BCL11A: variants seen among roughly 807,000 people sequenced by gnomAD.
The protein encoded by BCL11A is BCL11 transcription factor A.
In BCL11A, 2 loss-of-function variants were observed where a neutral mutation model predicts 55.9. That is an observed-to-expected ratio of 0.04 (90% CI 0.01 to 0.11). BCL11A has a LOEUF of 0.11. BCL11A is among the 10% of genes least tolerant of loss of function. The probability of loss-of-function intolerance (pLI) is 1.00; values close to 1 mark genes in which losing one functional copy is unlikely to be tolerated. For missense variants in BCL11A, 817 were observed against 1,137.1 expected, an observed-to-expected ratio of 0.72 and a Z score of 4.05; for synonymous variants, 465 against 473.4, an observed-to-expected ratio of 0.98 and a Z score of 0.23.
chr2:60,538,737 C>CTGTGTGTG lies in BCL11A; in HGVS notation c.385+7233_385+7234insCACACACA, dbSNP rs771828867. Among the ~76,000 whole-genome samples the CTGTGTGTG allele has an allele frequency of 2.8e-4, 33 of 118,758 alleles. 1 individual carries two copies. The highest frequency in any genetic ancestry group is 1.1e-3 in the African/African-American group (33 of 30,970). The allele number at this position is 118,758 out of a possible 152,430, so 77.9% of individuals were successfully genotyped here. On this transcript the variant is annotated intron_variant, in intron 2 of 3. Transcript: ENST00000642384. ...ACTGAATGTCTCTCTCTCTCTCTCT[C>CTGTGTGTG]TCTGTGTGTGTGTGTGTGTGTGTGT...
intron 1 of BCL11A, among the ~76,000 whole-genome samples, chr2:60,549,516 T>C (rs1042891064): frequency 6.6e-6 from 1 of 152,034 alleles, no homozygotes; most frequent in African/African-American, 2.4e-5. Flanking sequence ...GTGCAGAAAG[T>C]GAAGTTGGGC....
intron 2 of BCL11A, among the ~76,000 whole-genome samples, chr2:60,503,434 C>G (rs1213521641): frequency 6.6e-6 from 1 of 152,236 alleles, no homozygotes; most frequent in African/African-American, 2.4e-5. Flanking sequence ...TAGGCTATTG[C>G]TTCCTCTGAG....
At chr2:60,536,247 C>T (rs990854073) in intron 2 of BCL11A, 1 of 152,244 alleles carries the variant, frequency 6.6e-6, no homozygotes, top group African/African-American at 2.4e-5. Flanking sequence ...CTCTCTCCCC[C>T]AGCCTCAGAC....
At chr2:60,454,911 A>T (rs1675873640), downstream of BCL11A, among the ~76,000 whole-genome samples, 1 of 152,254 alleles carries the variant, frequency 6.6e-6, no homozygotes, top group African/African-American at 2.4e-5. Flanking sequence ...TTCTATATCT[A>T]CAGAATGCCC....
At chr2:60,473,021 G>C (rs1029320909) in intron 2 of BCL11A, among the ~76,000 whole-genome samples, 1 of 131,138 alleles carries the variant, frequency 7.6e-6, no homozygotes, top group Non-Finnish European at 1.9e-5. Context: ...GTACATATGT[G>C]TGTTAGCGTG....
downstream of BCL11A, chr2:60,452,499 C>T (rs1675764651): frequency 8.2e-7 from 1 of 1,219,180 alleles, no homozygotes; most frequent in Admixed American, 1.7e-5. Context: ...ACATCACAAA[C>T]TAGCAGGATG....
At chr2:60,467,661 TG>T (rs1676845309) in intron 3 of BCL11A, among the ~76,000 whole-genome samples, 1 of 95,416 alleles carries the variant, frequency 1.0e-5, no homozygotes, top group African/African-American at 4.2e-5. Context: ...ATGATGGTGA[TG>T]GTACTGGTGG....
chr2:60,509,091 C>A lies in BCL11A; in HGVS notation c.385+36880G>T, dbSNP rs1306524678. 2.0e-5 allele frequency among the ~76,000 whole-genome samples: 3 copies of A among 152,188 alleles called. No homozygotes were observed. The East Asian group carries it at 5.8e-4, about 29-fold the overall frequency. ...ACTGACTCTTATTTCTCATCAGACT[C>A]CGAAATCACAGGCTTCTGGTCTAAA... On this transcript the variant is annotated intron_variant, in intron 2 of 3. Coordinates refer to ENST00000642384, the MANE Select transcript of BCL11A (RefSeq NM_022893.4).
At chr2:60,468,708 T>A (rs1572967271) in intron 3 of BCL11A, 24 bp downstream of exon 3, 1 of 1,553,274 alleles carries the variant, frequency 6.4e-7, no homozygotes, top group East Asian at 2.2e-5. Flanking sequence ...TGGACATTTG[T>A]AGAAGAAATA....
intron 2 of BCL11A, among the ~76,000 whole-genome samples, chr2:60,503,753 T>C (rs1203920470): frequency 6.6e-6 from 1 of 152,170 alleles, no homozygotes; most frequent in Non-Finnish European, 1.5e-5. Context: ...TTAACCCGCC[T>C]AGAAGATTTA....
Position 60,460,560 on chromosome 2 carries a change from C to T in BCL11A, c.2352G>A (p.Lys784=), listed in dbSNP as rs1289969962. 6.2e-7 allele frequency: 1 copy of T among 1,614,154 alleles called. No homozygotes were observed. The highest frequency in any genetic ancestry group is 1.1e-5 in the South Asian group (1 of 91,086). ...LCNYACAQSS[K]LTRHMKTHGQ... ...CATGCGTTTTCATGTGCCTGGTGAG[C>T]TTGCTACTCTGGGCACAGGCATAGT... The change falls in exon 4 of 4, where the codon AAG becomes AAA. Residue 784 remains lysine (K), a synonymous_variant. Transcript: ENST00000642384.
chr2:60,553,845 C>A, upstream of BCL11A: 1 of 43,386 alleles, frequency 2.3e-5, no homozygotes, highest in East Asian at 5.6e-4. Flanking sequence ...AGGGGCGGGC[C>A]GAGGGGAGGG....
chr2:60,522,190 C>T (rs970385369), intron 2 of BCL11A: 2 of 152,376 alleles, frequency 1.3e-5, no homozygotes, highest in East Asian at 3.9e-4. Flanking sequence ...TCTTCCAGCT[C>T]CAACCACCAC....
intron 3 of BCL11A, among the ~76,000 whole-genome samples, chr2:60,464,993 T>C (rs1676516420): frequency 1.3e-5 from 2 of 152,218 alleles, no homozygotes; most frequent in Non-Finnish European, 2.9e-5. Flanking sequence ...GTAATCATAA[T>C]GTCAATGAGA....
chr2:60,514,679 A>T (rs1309429379), intron 2 of BCL11A, among the ~76,000 whole-genome samples: 1 of 151,710 alleles, frequency 6.6e-6, no homozygotes, highest in Non-Finnish European at 1.5e-5. Flanking sequence ...AAAAAAAAAA[A>T]AAATTAAATT....
At chr2:60,495,106 A>G (rs6738440) in intron 2 of BCL11A, among the ~76,000 whole-genome samples, 38,688 of 152,102 alleles carry the variant, frequency 0.25, 5,212 homozygotes, top group African/African-American at 0.28. Flanking sequence ...AAATTATTTC[A>G]TTCCCATTGA....
intron 1 of BCL11A, among the ~76,000 whole-genome samples, chr2:60,548,994 A>G (rs1435154590): frequency 6.6e-6 from 1 of 151,774 alleles, no homozygotes; most frequent in Non-Finnish European, 1.5e-5. Context: ...CCTCAATTCA[A>G]CTCCATCCTC....
At chr2:60,549,530 G>T (rs1297787753) in intron 1 of BCL11A, among the ~76,000 whole-genome samples, 1 of 152,214 alleles carries the variant, frequency 6.6e-6, no homozygotes, top group Non-Finnish European at 1.5e-5. Flanking sequence ...GTTGGGCGCG[G>T]GGACTCTGAG....
At chr2:60,517,867 A>C (rs1423363601) in intron 2 of BCL11A, among the ~76,000 whole-genome samples, 1 of 151,030 alleles carries the variant, frequency 6.6e-6, no homozygotes, top group East Asian at 1.9e-4. Flanking sequence ...CCACGAAGGA[A>C]ACTATCTATG....
Sources: gnomAD v4.1 joint callset for allele counts (sites outside exome capture counted in the v4.1 genomes callset) on GRCh38, gnomAD v4.1.1 for gene constraint, MANE v1.5 for transcripts, NCBI Gene and HGNC (gene_info 2026-07-23, HGNC 2026-07-21) for gene names.